RASGEF1C: variants seen among roughly 807,000 people sequenced by gnomAD.
RASGEF1C encodes RasGEF domain family member 1C, also known as ras-GEF domain-containing family member 1C.
A neutral mutation model predicts 58.1 loss-of-function variants in RASGEF1C; 27 were observed. The ratio of observed to expected loss-of-function variants is 0.46; its 90% CI spans 0.34 to 0.64. The LOEUF (loss-of-function observed/expected upper bound fraction) is 0.64, where lower values mean the gene tolerates loss of function less well. Among genes scored for constraint, RASGEF1C ranks in the 30% least tolerant of loss-of-function variants. The probability of loss-of-function intolerance (pLI) is 0.01; values close to 1 mark genes in which losing one functional copy is unlikely to be tolerated. For missense variants in RASGEF1C, 502 were observed against 605.1 expected (o/e 0.83, Z 1.79); for synonymous variants, 243 against 246.3 (o/e 0.99, Z 0.13).
At position 180,128,430 on chromosome 5, in the gene RASGEF1C, G is replaced by C. The variant is rs1279971580; in HGVS notation, c.619C>G (p.Gln207Glu). 6.2e-7 allele frequency: 1 copy of C among 1,613,814 alleles called. No homozygotes were observed. Residue 207 changes from glutamine (Q) to glutamate (E), a missense_variant, in exon 5 of 14, where the codon CAG becomes GAG. Physicochemically the swap from Gln to Glu is conservative, Grantham distance 29 (BLOSUM62 2). Coordinates refer to ENST00000361132, the MANE Select transcript of RASGEF1C (RefSeq NM_175062.4). ...CTTACCAGTTCCACGTGGGTCAGCTGCTGGGCCAGTGTGTAGGGGTCGCTG... is the reference window on the plus strand; with the variant it reads ...CTTACCAGTTCCACGTGGGTCAGCTCCTGGGCCAGTGTGTAGGGGTCGCTG... ...VCSDPYTLAQQLTHVELERLR... is the reference protein window; with the variant it reads ...VCSDPYTLAQELTHVELERLR...
chr5:180,190,424 A>G lies in RASGEF1C; in HGVS notation c.-7+18604T>C, dbSNP rs920769006. Reference sequence around the variant, plus strand: ...AGAGTGGCGTGAACCTGGGAGGCGGAGCTTGCAGTGAGCTGAGATCGCGCC... The same window carrying G: ...AGAGTGGCGTGAACCTGGGAGGCGGGGCTTGCAGTGAGCTGAGATCGCGCC... On this transcript the variant is annotated intron_variant, in intron 1 of 13. Transcript: ENST00000361132. Among the ~76,000 whole-genome samples, 24 of 145,178 alleles carry G rather than the reference A, an allele frequency of 1.7e-4. No individual in the cohort carries two copies. The East Asian group carries it at 2.7e-3, about 16-fold the overall frequency.
rs1369441197 is a variant in RASGEF1C at position 180,168,294 on chromosome 5, C to G, written c.-6-30236G>C. Among the ~76,000 whole-genome samples, 3 of 152,048 alleles carry G rather than the reference C, an allele frequency of 2.0e-5. No individual in the cohort carries two copies. In the East Asian group the frequency reaches 5.8e-4, roughly 29 times the overall value. ...TAAAAAAATACAAAATTAGCCGAGC[C>G]TGGTGGTGCATGCCTGTAATCGCAG... On this transcript the variant is annotated intron_variant, in intron 1 of 13. Transcript: ENST00000361132. This position sits in a 1 kb window ranked among gnomAD's most constrained non-coding sequence, Gnocchi z 6.0.
chr5:180,190,429 G>A (rs888235956), intron 1 of RASGEF1C, among the ~76,000 whole-genome samples: 4 of 134,990 alleles, frequency 3.0e-5, no homozygotes, highest in Admixed American at 7.4e-5. Flanking sequence ...GGCGGAGCTT[G>A]CAGTGAGCTG....
Position 180,136,535 on chromosome 5 carries a change from ACCGCGCTCGTGAGGGGCG to A in RASGEF1C, c.301-38_301-21del. On this transcript the variant is annotated intron_variant, in intron 3 of 13. Transcript: ENST00000361132. ...CCGGGCCTACGGGCAAGCGAGGGGC[ACCGCGCTCGTGAGGGGCG>A]CCGGGTGGGCACGTGAGCCTCACTG... 2 of 1,564,418 alleles carry A rather than the reference ACCGCGCTCGTGAGGGGCG, an allele frequency of 1.3e-6. No homozygotes were observed. The highest frequency in any genetic ancestry group is 1.7e-6 in the Non-Finnish European group (2 of 1,153,952).
rs74810069 is a variant in RASGEF1C, at chr5:180,167,152, C to T, written c.-6-29094G>A. On this transcript the variant is annotated intron_variant, in intron 1 of 13. Coordinates refer to ENST00000361132, the MANE Select transcript of RASGEF1C (RefSeq NM_175062.4). ...TTTCCAGCTATTATGTTTTCAAATGCTTTTTTTCTGTGCCGCACTCTTTCT... is the reference window on the plus strand; with the variant it reads ...TTTCCAGCTATTATGTTTTCAAATGTTTTTTTTCTGTGCCGCACTCTTTCT... Among the ~76,000 whole-genome samples the T allele has an allele frequency of 6.7e-3, 1,019 of 152,082 alleles. 10 individuals are homozygous for T. Among genetic ancestry groups the T allele is most frequent in the African/African-American group, 0.023 (947 of 41,480 alleles).
intron 1 of RASGEF1C, among the ~76,000 whole-genome samples, chr5:180,189,923 CAAAAAAAAA>C (rs71001085): frequency 1.1e-4 from 4 of 37,204 alleles, no homozygotes; most frequent in East Asian, 2.7e-3. Context: ...AACTCCATCT[CAAAAAAAAA>C]AAAAAAAAAA....
At chr5:180,145,594 C>T (rs546395795) in intron 1 of RASGEF1C, among the ~76,000 whole-genome samples, 1 of 152,272 alleles carries the variant, frequency 6.6e-6, no homozygotes, top group South Asian at 2.1e-4. Context: ...TCTTGAGCAT[C>T]TTTTCATTTG....
chr5:180,133,790 T>C (rs1766409108), intron 4 of RASGEF1C, among the ~76,000 whole-genome samples: 1 of 152,132 alleles, frequency 6.6e-6, no homozygotes, highest in Non-Finnish European at 1.5e-5. Context: ...TTTTGTATGT[T>C]TGAAATGTTT....
intron 1 of RASGEF1C, among the ~76,000 whole-genome samples, chr5:180,164,933 T>C (rs1766995952): frequency 6.6e-6 from 1 of 152,356 alleles, no homozygotes; most frequent in South Asian, 2.1e-4. Context: ...GCTTCATGTA[T>C]TCTGAAGCTC....
Position 180,118,623 on chromosome 5 carries a change from T to TGTGGGCCGTCAGGGAGCG in RASGEF1C, c.1051_1068dup (p.Arg351_His356dup), listed in dbSNP as rs1766111606. ...CCCCGACCTACCTTCTCTCGGCTGCTGTGGGCCGTCAGGGAGCGGTGGGCC... is the reference window on the plus strand; with the variant it reads ...CCCCGACCTACCTTCTCTCGGCTGCTGTGGGCCGTCAGGGAGCGGTGGGCCGTCAGGGAGCGGTGGGCC... On this transcript the variant is annotated inframe_insertion, in exon 10 of 14. Transcript: ENST00000361132. 4.3e-6 allele frequency: 7 copies of TGTGGGCCGTCAGGGAGCG among 1,612,348 alleles called. No individual in the cohort carries two copies. Among genetic ancestry groups the TGTGGGCCGTCAGGGAGCG allele is most frequent in the Non-Finnish European group, 5.9e-6 (7 of 1,179,062 alleles).
At chr5:180,144,342 C>T (rs905768997) in intron 1 of RASGEF1C, among the ~76,000 whole-genome samples, 2 of 152,336 alleles carry the variant, frequency 1.3e-5, no homozygotes, top group East Asian at 3.9e-4. Flanking sequence ...GCCTCAAAGG[C>T]TGTGGTGGGT....
At chr5:180,179,897 A>G (rs1767295710) in intron 1 of RASGEF1C, among the ~76,000 whole-genome samples, 1 of 151,996 alleles carries the variant, frequency 6.6e-6, no homozygotes, top group African/African-American at 2.4e-5. Context: ...TTCCTCCTTT[A>G]CCCTCTCTAC....
At chr5:180,194,247 A>G (rs568774778) in intron 1 of RASGEF1C, among the ~76,000 whole-genome samples, 1 of 152,314 alleles carries the variant, frequency 6.6e-6, no homozygotes, top group East Asian at 1.9e-4. Context: ...GATCGCGTTC[A>G]TTATATGAAA....
rs933624021 is a variant in RASGEF1C, at chr5:180,182,432, G to A, written c.-7+26596C>T. Reference sequence around the variant, plus strand: ...GCAAGATTTATTGTGAAGACCAAAAGAACTCAGCTTCCACAGCTGGAAGAG... The same window carrying A: ...GCAAGATTTATTGTGAAGACCAAAAAAACTCAGCTTCCACAGCTGGAAGAG... On this transcript the variant is annotated intron_variant, in intron 1 of 13. Transcript: ENST00000361132. Among the ~76,000 whole-genome samples, 8 of 152,156 alleles carry A rather than the reference G, an allele frequency of 5.3e-5. No homozygotes were observed. In the East Asian group the frequency reaches 5.8e-4, roughly 11 times the overall value.
chr5:180,130,693 G>C (rs541670601), intron 4 of RASGEF1C, among the ~76,000 whole-genome samples: 2 of 152,288 alleles, frequency 1.3e-5, no homozygotes, highest in East Asian at 3.9e-4. Context: ...CTGTCTGCAG[G>C]CTTGCCTGTG....
At chr5:180,169,538 G>T (rs1466674293) in intron 1 of RASGEF1C, among the ~76,000 whole-genome samples, 1 of 151,444 alleles carries the variant, frequency 6.6e-6, no homozygotes, top group Non-Finnish European at 1.5e-5. Flanking sequence ...AGGGCCCAAG[G>T]GGAAGGTCTG....
chr5:180,172,329 C>T (rs1009565423), intron 1 of RASGEF1C, among the ~76,000 whole-genome samples: 1 of 152,144 alleles, frequency 6.6e-6, no homozygotes, highest in Admixed American at 6.5e-5. Flanking sequence ...GGCTCCCATG[C>T]CTCCTCCTAG....
chr5:180,190,855 T>C (rs1756151559), intron 1 of RASGEF1C, among the ~76,000 whole-genome samples: 1 of 152,160 alleles, frequency 6.6e-6, no homozygotes, highest in African/African-American at 2.4e-5. Flanking sequence ...GAACTTGTGC[T>C]CTTCAAAGGA....
At chr5:180,204,862 G>A (rs978629637) in intron 1 of RASGEF1C, among the ~76,000 whole-genome samples, 1 of 152,134 alleles carries the variant, frequency 6.6e-6, no homozygotes, top group African/African-American at 2.4e-5. Context: ...ATTTGAATTT[G>A]TAGATGACAG....
Sources: allele counts gnomAD v4.1 joint callset (sites outside exome capture counted in the v4.1 genomes callset), GRCh38; gene constraint gnomAD v4.1.1; non-coding constraint Gnocchi (gnomAD v3.1); transcripts MANE v1.5; gene names NCBI Gene and HGNC (gene_info 2026-07-23, HGNC 2026-07-21).